Variants in DSCAM observed in about 807,000 individuals in gnomAD.
DSCAM encodes cell adhesion molecule DSCAM.
DSCAM carries 47 observed loss-of-function variants against 217.7 expected under a neutral mutation model. The observed-to-expected ratio is 0.22, with a 90% CI of 0.17 to 0.28. The LOEUF (loss-of-function observed/expected upper bound fraction) is 0.28, where lower values mean the gene tolerates loss of function less well. Ranked by LOEUF, DSCAM falls within the 10% of genes least tolerant of loss-of-function variation. DSCAM has a pLI of 1.00. For missense variants in DSCAM, 2,080 were observed against 2,618.3 expected (o/e 0.79, Z 4.49); for synonymous variants, 1,056 against 1,015.3 (o/e 1.04, Z -0.76).
intron 3 of DSCAM, among the ~76,000 whole-genome samples, chr21:40,403,629 G>GCACACACACACACACACA (rs3069908): frequency 6.9e-6 from 1 of 145,788 alleles, no homozygotes; most frequent in African/African-American, 2.6e-5. Context: ...GCATGCATGT[G>GCACACACACACACACACA]CACACACACA....
At chr21:40,639,216 G>A (rs759655975) in intron 3 of DSCAM, among the ~76,000 whole-genome samples, 10 of 152,004 alleles carry the variant, frequency 6.6e-5, no homozygotes, top group Non-Finnish European at 4.4e-5. Flanking sequence ...GCCAAAACAC[G>A]GCACCGCTAC....
chr21:40,637,138 A>AAT (rs1292037385), intron 3 of DSCAM, among the ~76,000 whole-genome samples: 1 of 35,078 alleles, frequency 2.9e-5, no homozygotes, highest in Non-Finnish European at 5.2e-5. Flanking sequence ...TAAATATATA[A>AAT]ATATATATAT....
At chr21:40,489,666 T>C (rs2076058747) in intron 3 of DSCAM, among the ~76,000 whole-genome samples, 1 of 146,076 alleles carries the variant, frequency 6.8e-6, no homozygotes, top group East Asian at 2.1e-4. Context: ...TCCCAGCTAC[T>C]CGGGAGGCTG....
chr21:40,237,212 G>A (rs2073091107), intron 11 of DSCAM, among the ~76,000 whole-genome samples: 2 of 152,174 alleles, frequency 1.3e-5, no homozygotes, highest in Non-Finnish European at 2.9e-5. Flanking sequence ...AGGCACTAAA[G>A]AAGTTTATTA....
chr21:40,431,721 G>T (rs2075534263), intron 3 of DSCAM, among the ~76,000 whole-genome samples: 1 of 152,228 alleles, frequency 6.6e-6, no homozygotes, highest in South Asian at 2.1e-4. Flanking sequence ...CTTCCAGTCA[G>T]CAGTAGGCTA....
rs76092818 is a variant in DSCAM, at chr21:40,470,117, G to A, written c.509-100872C>T. On this transcript the variant is annotated intron_variant, in intron 3 of 32. Transcript: ENST00000400454. Reference sequence around the variant, plus strand: ...TTTAACCTCAATAAACCACAATGACGTAAGTCATGTTATAATTAATATAAA... The same window carrying A: ...TTTAACCTCAATAAACCACAATGACATAAGTCATGTTATAATTAATATAAA... 7.2e-3 allele frequency among the ~76,000 whole-genome samples: 1,097 copies of A among 152,196 alleles called. 17 individuals are homozygous for A. The highest frequency in any genetic ancestry group is 0.024 in the African/African-American group (994 of 41,512).
intron 3 of DSCAM, among the ~76,000 whole-genome samples, chr21:40,634,522 G>A (rs959170516): frequency 3.3e-5 from 5 of 152,098 alleles, no homozygotes; most frequent in African/African-American, 1.2e-4. Flanking sequence ...TTTCTATGGG[G>A]ACCCACAGCT....
intron 3 of DSCAM, among the ~76,000 whole-genome samples, chr21:40,408,735 C>T (rs1328010638): frequency 3.9e-5 from 6 of 152,172 alleles, no homozygotes; most frequent in Non-Finnish European, 8.8e-5. Context: ...TGATGCAGTA[C>T]CCCTGTCTGA....
chr21:40,028,663 C>G (rs1257850487), intron 32 of DSCAM, among the ~76,000 whole-genome samples: 1 of 152,206 alleles, frequency 6.6e-6, no homozygotes, highest in Non-Finnish European at 1.5e-5. Flanking sequence ...AACTCCCTGA[C>G]CCTTTGTGCT....
At chr21:40,709,276 ACT>A (rs1169554971) in intron 1 of DSCAM, among the ~76,000 whole-genome samples, 1 of 152,212 alleles carries the variant, frequency 6.6e-6, no homozygotes, top group Non-Finnish European at 1.5e-5. Flanking sequence ...TACTAGCTTC[ACT>A]GAGGGTTATT....
At chr21:40,569,425 C>T (rs1432623353) in intron 3 of DSCAM, among the ~76,000 whole-genome samples, 2 of 152,154 alleles carry the variant, frequency 1.3e-5, no homozygotes, top group Non-Finnish European at 1.5e-5. Context: ...ACGTGGCCCT[C>T]ATTCAATCAG....
intron 5 of DSCAM, among the ~76,000 whole-genome samples, chr21:40,350,324 C>T (rs2074615764): frequency 6.6e-6 from 1 of 151,962 alleles, no homozygotes; most frequent in Admixed American, 6.6e-5. Flanking sequence ...ACTTACTCAG[C>T]AAAAGAAACT....
chr21:40,463,840 G>A (rs1214026083), intron 3 of DSCAM, among the ~76,000 whole-genome samples: 2 of 152,238 alleles, frequency 1.3e-5, no homozygotes, highest in East Asian at 1.9e-4. Flanking sequence ...CACCCATCCC[G>A]CAACTGTTGG....
chr21:40,628,898 C>A (rs1036770525), intron 3 of DSCAM, among the ~76,000 whole-genome samples: 2 of 152,086 alleles, frequency 1.3e-5, no homozygotes, highest in East Asian at 1.9e-4. Context: ...CAGGCATGCA[C>A]CACCATGTAG....
chr21:40,354,501 G>T (rs973516148), intron 4 of DSCAM, among the ~76,000 whole-genome samples: 1 of 152,018 alleles, frequency 6.6e-6, no homozygotes, highest in African/African-American at 2.4e-5. Context: ...CCAACATGCT[G>T]GGATTACAGG....
chr21:40,648,988 G>A (rs1482755993), intron 3 of DSCAM, among the ~76,000 whole-genome samples: 1 of 152,184 alleles, frequency 6.6e-6, no homozygotes, highest in Non-Finnish European at 1.5e-5. Context: ...GCAGGCCCGG[G>A]GCTGAGCAAG....
chr21:40,512,985 C>T (rs1421734360), intron 3 of DSCAM, among the ~76,000 whole-genome samples: 8 of 152,152 alleles, frequency 5.3e-5, no homozygotes, highest in Admixed American at 2.0e-4. Flanking sequence ...CCGCAACCTC[C>T]GCCTCCCGTA....
At chr21:40,593,788 G>A (rs943725932) in intron 3 of DSCAM, among the ~76,000 whole-genome samples, 1 of 152,208 alleles carries the variant, frequency 6.6e-6, no homozygotes, top group African/African-American at 2.4e-5. Context: ...CACAGGAAAT[G>A]GAGGTTGAAT....
intron 3 of DSCAM, among the ~76,000 whole-genome samples, chr21:40,498,857 A>G (rs531319246): frequency 5.7e-4 from 83 of 144,928 alleles, no homozygotes; most frequent in African/African-American, 2.0e-3. Flanking sequence ...AAAATATGGT[A>G]CATATTATAA....
Sources: allele counts gnomAD v4.1 joint callset (sites outside exome capture counted in the v4.1 genomes callset), GRCh38; gene constraint gnomAD v4.1.1; transcripts MANE v1.5; gene names NCBI Gene and HGNC (gene_info 2026-07-23, HGNC 2026-07-21).